The following CDH12 variants were observed in gnomAD, a reference collection of about 807,000 sequenced individuals.
CDH12 encodes cadherin-12.
Under a neutral mutation model 74.1 loss-of-function variants are expected in CDH12, and 41 were observed. The ratio of observed to expected loss-of-function variants is 0.55; its 90% CI spans 0.43 to 0.72. CDH12 has a LOEUF of 0.72. CDH12 is among the 30% of genes least tolerant of loss of function. The probability of loss-of-function intolerance (pLI) is 0.00; values close to 1 mark genes in which losing one functional copy is unlikely to be tolerated. For missense variants in CDH12, 945 were observed against 977.2 expected (o/e 0.97, Z 0.44); for synonymous variants, 399 against 355.0 (o/e 1.12, Z -1.39).
At chr5:21,948,386 A>G (rs1413282586) in intron 6 of CDH12, among the ~76,000 whole-genome samples, 1 of 152,224 alleles carries the variant, frequency 6.6e-6, no homozygotes, top group Non-Finnish European at 1.5e-5. Context: ...CAAGGAGATT[A>G]TTTTAAAGCT....
intron 1 of CDH12, among the ~76,000 whole-genome samples, chr5:22,831,371 CTGTGTGTG>C (rs70959760): frequency 6.8e-6 from 1 of 146,642 alleles, no homozygotes; most frequent in East Asian, 2.0e-4. Flanking sequence ...GTGTGTGTGT[CTGTGTGTG>C]TGTGTGTGTG....
intron 3 of CDH12, among the ~76,000 whole-genome samples, chr5:22,237,692 T>C (rs1752606159): frequency 6.6e-6 from 1 of 152,198 alleles, no homozygotes; most frequent in Non-Finnish European, 1.5e-5. Context: ...CAGTTTGTCT[T>C]GTGAAAATTT....
At chr5:22,644,372 A>T (rs1278576174) in intron 1 of CDH12, among the ~76,000 whole-genome samples, 1 of 152,162 alleles carries the variant, frequency 6.6e-6, no homozygotes, top group Non-Finnish European at 1.5e-5. Flanking sequence ...TAATACGGAA[A>T]AAATTTCAGT....
rs530430615 is a variant in CDH12 at position 21,956,593 on chromosome 5, T to C, written c.526+18498A>G. Among the ~76,000 whole-genome samples the C allele has an allele frequency of 1.6e-3, 250 of 152,200 alleles. 1 individual carries two copies. The highest frequency in any genetic ancestry group is 5.6e-3 in the African/African-American group (234 of 41,556). On this transcript the variant is annotated intron_variant, in intron 6 of 14. Transcript: ENST00000382254. ...GTAAAAGGTATTTTTAAAAATACTT[T>C]ATGGTTATTTTTGTGATTCCTATTC... is the stretch of plus-strand genomic sequence containing the variant.
At chr5:22,029,360 T>C (rs1395937451) in intron 5 of CDH12, among the ~76,000 whole-genome samples, 1 of 151,922 alleles carries the variant, frequency 6.6e-6, no homozygotes, top group Non-Finnish European at 1.5e-5. Flanking sequence ...TGCAACCTAC[T>C]CATCTGACAA....
intron 6 of CDH12, among the ~76,000 whole-genome samples, chr5:21,925,737 A>G (rs112859974): frequency 9.8e-5 from 15 of 152,320 alleles, no homozygotes; most frequent in African/African-American, 3.6e-4. Flanking sequence ...GCAATAATTG[A>G]TGCATTTTAT....
chr5:22,126,129 G>A (rs1745852236), intron 4 of CDH12, among the ~76,000 whole-genome samples: 2 of 151,906 alleles, frequency 1.3e-5, no homozygotes, highest in East Asian at 3.9e-4. Flanking sequence ...TTATAGACCT[G>A]CATATATATA....
intron 3 of CDH12, among the ~76,000 whole-genome samples, chr5:22,285,133 A>G (rs1737079268): frequency 6.6e-6 from 1 of 152,124 alleles, no homozygotes; most frequent in Non-Finnish European, 1.5e-5. Flanking sequence ...TCAAAGTGGG[A>G]TAGGGAGTGA....
chr5:22,571,962 A>G (rs982177687), intron 1 of CDH12, among the ~76,000 whole-genome samples: 3 of 152,202 alleles, frequency 2.0e-5, no homozygotes, highest in African/African-American at 4.8e-5. Flanking sequence ...AAGAATTATC[A>G]AAATGTGACA....
intron 3 of CDH12, among the ~76,000 whole-genome samples, chr5:22,364,819 T>A (rs1465337710): frequency 1.3e-5 from 2 of 152,144 alleles, no homozygotes; most frequent in East Asian, 3.9e-4. Flanking sequence ...TGAGACAGAA[T>A]TTGAACATGT....
intron 3 of CDH12, among the ~76,000 whole-genome samples, chr5:22,316,667 A>T (rs1738645617): frequency 6.6e-6 from 1 of 152,142 alleles, no homozygotes; most frequent in Non-Finnish European, 1.5e-5. Flanking sequence ...ATACCCTATG[A>T]TTCTAACCCT....
chr5:22,824,613 G>T (rs1481871039), intron 1 of CDH12, among the ~76,000 whole-genome samples: 5 of 151,876 alleles, frequency 3.3e-5, no homozygotes, highest in African/African-American at 1.2e-4. Context: ...GCATTAAATA[G>T]TCAGGGATTT....
intron 1 of CDH12, among the ~76,000 whole-genome samples, chr5:22,678,184 A>C (rs1198955871): frequency 4.2e-4 from 64 of 152,074 alleles, no homozygotes; most frequent in Non-Finnish European, 1.3e-4. Context: ...AAAAATCCTC[A>C]AGAAACCGAC....
intron 10 of CDH12, among the ~76,000 whole-genome samples, chr5:21,797,782 C>T (rs947187707): frequency 6.6e-5 from 10 of 152,158 alleles, no homozygotes; most frequent in Admixed American, 5.2e-4. Context: ...GAATTTGGAA[C>T]GTGTATCTTT....
intron 3 of CDH12, among the ~76,000 whole-genome samples, chr5:22,314,893 G>C (rs1443417767): frequency 6.9e-6 from 1 of 145,186 alleles, no homozygotes; most frequent in Non-Finnish European, 1.5e-5. Flanking sequence ...AAACATGTTT[G>C]AGTCCTCAAG....
At chr5:22,430,738 A>C (rs1744135758) in intron 2 of CDH12, among the ~76,000 whole-genome samples, 1 of 152,152 alleles carries the variant, frequency 6.6e-6, no homozygotes, top group African/African-American at 2.4e-5. Context: ...GGCCAATGAA[A>C]TTGCTTACTC....
chr5:22,020,122 G>T (rs994818985), intron 5 of CDH12, among the ~76,000 whole-genome samples: 1 of 152,176 alleles, frequency 6.6e-6, no homozygotes, highest in Admixed American at 6.5e-5. Context: ...TAAGAATAAT[G>T]ATGCTAATTA....
At chr5:22,697,205 A>C (rs1742416156) in intron 1 of CDH12, among the ~76,000 whole-genome samples, 1 of 152,176 alleles carries the variant, frequency 6.6e-6, no homozygotes, top group Non-Finnish European at 1.5e-5. Context: ...GGATGATTTC[A>C]GGTGACAGAG....
intron 5 of CDH12, among the ~76,000 whole-genome samples, chr5:21,989,199 T>C (rs967246498): frequency 7.2e-5 from 11 of 152,202 alleles, no homozygotes; most frequent in African/African-American, 2.2e-4. Context: ...AGAATACATA[T>C]TCTTCAAGAA....
Sources: gnomAD v4.1 joint callset for allele counts (sites outside exome capture counted in the v4.1 genomes callset) on GRCh38, gnomAD v4.1.1 for gene constraint, MANE v1.5 for transcripts, NCBI Gene and HGNC (gene_info 2026-07-23, HGNC 2026-07-21) for gene names.